The following DYNC1H1 variants were observed in gnomAD, a reference collection of about 807,000 sequenced individuals.
DYNC1H1 encodes the protein dynein cytoplasmic 1 heavy chain 1, also known as cytoplasmic dynein 1 heavy chain 1.
Under a neutral mutation model 527.1 loss-of-function variants are expected in DYNC1H1, and 51 were observed. That is an observed-to-expected ratio of 0.10 (90% CI 0.08 to 0.12). DYNC1H1 has a LOEUF of 0.12. Ranked by LOEUF, DYNC1H1 falls within the 10% of genes least tolerant of loss-of-function variation. The pLI, the probability that DYNC1H1 is intolerant of heterozygous loss-of-function variation, is 1.00. For synonymous variants in DYNC1H1, 2,189 were observed against 2,278.8 expected, an observed-to-expected ratio of 0.96 and a Z score of 1.12; for missense variants, 2,771 against 5,971.8, an observed-to-expected ratio of 0.46 and a Z score of 17.66.
chr14:102,003,018 A>G, intron 23 of DYNC1H1, 53 bp downstream of exon 23: 5 of 1,610,308 alleles, frequency 3.1e-6, no homozygotes, highest in Non-Finnish European at 4.2e-6. Context: ...TCAGTTGTGC[A>G]TTTTTCCAGT....
At position 101,986,791 on chromosome 14, in the gene DYNC1H1, C is replaced by G. The variant is rs1283210549; in HGVS notation, c.2538+28C>G. ...ATGCTCTCATGTAATCCTCAGGTGT[C>G]CTGGTAACGAATGAAGCACAGTAAT... is the stretch of plus-strand genomic sequence containing the variant. On this transcript the variant is annotated intron_variant, in intron 8 of 77. Coordinates refer to ENST00000360184, the MANE Select transcript of DYNC1H1 (RefSeq NM_001376.5). The surrounding 1 kb of genome is among the most constrained non-coding windows in gnomAD (Gnocchi z 8.7). 1 of 1,612,518 alleles carries G rather than the reference C, an allele frequency of 6.2e-7. No individual in the cohort carries two copies. Among genetic ancestry groups the G allele is most frequent in the Admixed American group, 1.7e-5 (1 of 60,016 alleles).
intron 72 of DYNC1H1, among the ~76,000 whole-genome samples, chr14:102,047,275 G>A (rs986692209): frequency 6.6e-6 from 1 of 152,164 alleles, no homozygotes; most frequent in Non-Finnish European, 1.5e-5. Flanking sequence ...GCTCATGCCT[G>A]TAATCCCAGC....
rs187770431 is a variant in DYNC1H1 at position 101,985,167 on chromosome 14, T to A, written c.1462-520T>A. Among the ~76,000 whole-genome samples, 1 of 152,268 alleles carries A rather than the reference T, an allele frequency of 6.6e-6. No individual in the cohort carries two copies. The stretch of plus-strand genomic sequence containing the variant: ...GGTTTTAAATCCTAATTCCATCGTT[T>A]ACTAGCTCTGTGACTGGAATGCTTT... On this transcript the variant is annotated intron_variant, in intron 7 of 77. Coordinates refer to ENST00000360184, the MANE Select transcript of DYNC1H1 (RefSeq NM_001376.5). The surrounding 1 kb of genome is among the most constrained non-coding windows in gnomAD (Gnocchi z 5.9).
chr14:102,039,368 G>A lies in DYNC1H1; in HGVS notation c.11461-44G>A. 2 of 1,614,062 alleles carry A rather than the reference G, an allele frequency of 1.2e-6. No individual in the cohort carries two copies. Among genetic ancestry groups the A allele is most frequent in the Non-Finnish European group, 1.7e-6 (2 of 1,180,036 alleles). Reference sequence around the variant, plus strand: ...CTTGGCCACGCAGAAGTTCAGCGGGGTGCCGAGGGAGCTGCCTCACCGCTG... The same window carrying A: ...CTTGGCCACGCAGAAGTTCAGCGGGATGCCGAGGGAGCTGCCTCACCGCTG... On this transcript the variant is annotated intron_variant, in intron 60 of 77. Transcript: ENST00000360184. The surrounding 1 kb of genome is among the most constrained non-coding windows in gnomAD (Gnocchi z 7.0).
Position 102,022,798 on chromosome 14 carries a change from C to T in DYNC1H1, c.8555C>T (p.Thr2852Met), listed in dbSNP as rs575806819. Reference protein sequence around the residue: ...ERRWTDENIDTVALKHFPNID... With the variant: ...ERRWTDENIDMVALKHFPNID... ...CGTTGGACTGATGAGAACATCGACA[C>T]GGTTGCTCTGAAGCACTTCCCTAAC... The change falls in exon 43 of 78, where the codon ACG becomes ATG. Residue 2852 changes from threonine to methionine, a missense_variant. Physicochemically the swap from Thr to Met is moderately conservative, Grantham distance 81. Coordinates refer to ENST00000360184, the MANE Select transcript of DYNC1H1 (RefSeq NM_001376.5). 3.7e-6 allele frequency: 6 copies of T among 1,614,212 alleles called. No individual in the cohort carries two copies. Among genetic ancestry groups the T allele is most frequent in the Admixed American group, 3.3e-5 (2 of 60,012 alleles).
At position 102,038,277 on chromosome 14, in the gene DYNC1H1, C is replaced by T; in HGVS notation, c.10909-183C>T. 9.6e-7 allele frequency: 1 copy of T among 1,044,388 alleles called. No homozygotes were observed. Among genetic ancestry groups the T allele is most frequent in the South Asian group, 1.4e-5 (1 of 71,182 alleles). The allele number at this position is 1,044,388 out of a possible 1,614,324, so 64.7% of individuals were successfully genotyped here. ...TACAGGCGTGAGCCACCGCATCTGG[C>T]TGAGTTTTTAATTTTAGTTCATTTA... On this transcript the variant is annotated intron_variant, in intron 57 of 77. Coordinates refer to ENST00000360184, the MANE Select transcript of DYNC1H1 (RefSeq NM_001376.5). The surrounding 1 kb of genome is among the most constrained non-coding windows in gnomAD (Gnocchi z 7.2).
chr14:102,034,576 C>T (rs2048549173), intron 56 of DYNC1H1, 124 bp downstream of exon 56: 7 of 1,493,504 alleles, frequency 4.7e-6, no homozygotes, highest in African/African-American at 1.4e-5. Flanking sequence ...ACAGTGCTGG[C>T]AGCTTGGTGC....
At chr14:101,971,259 A>C (rs2047735914) in intron 1 of DYNC1H1, among the ~76,000 whole-genome samples, 1 of 151,174 alleles carries the variant, frequency 6.6e-6, no homozygotes, top group Non-Finnish European at 1.5e-5. Context: ...TTTTTTGTAG[A>C]GATTGGGTTT....
chr14:102,041,457 A>G lies in DYNC1H1; in HGVS notation c.11942-117A>G, dbSNP rs1293065339. 1 of 1,536,520 alleles carries G rather than the reference A, an allele frequency of 6.5e-7. No homozygotes were observed. Among genetic ancestry groups the G allele is most frequent in the African/African-American group, 1.4e-5 (1 of 73,336 alleles). On this transcript the variant is annotated intron_variant, in intron 64 of 77. Coordinates refer to ENST00000360184, the MANE Select transcript of DYNC1H1 (RefSeq NM_001376.5). This position sits in a 1 kb window ranked among gnomAD's most constrained non-coding sequence, Gnocchi z 4.5. Reference sequence around the variant, plus strand: ...TGGCTGAATTTCCTGATTTGAGCTGATCCTGAAATGCTGAGCATTTGCTGA... The same window carrying G: ...TGGCTGAATTTCCTGATTTGAGCTGGTCCTGAAATGCTGAGCATTTGCTGA...
chr14:102,039,537 C>T lies in DYNC1H1; in HGVS notation c.11586C>T (p.Asp3862=), dbSNP rs750838483. ...HTQRLSIITK[D]LFQVAFNRVA... is the part of the protein sequence containing the mutation. The stretch of plus-strand genomic sequence containing the variant: ...AGCGCCTGTCCATTATAACAAAGGA[C>T]CTCTTCCAGGTAGAGTGAGGTCCTC... Residue 3862 remains aspartate (D), a synonymous_variant, in exon 61 of 78, where the codon GAC becomes GAT. Coordinates refer to ENST00000360184, the MANE Select transcript of DYNC1H1 (RefSeq NM_001376.5). This position sits in a 1 kb window ranked among gnomAD's most constrained non-coding sequence, Gnocchi z 7.0. 1 of 1,614,254 alleles carries T rather than the reference C, an allele frequency of 6.2e-7. No homozygotes were observed. The highest frequency in any genetic ancestry group is 1.1e-5 in the South Asian group (1 of 91,084).
At chr14:102,024,933 A>G (rs2048432028) in intron 43 of DYNC1H1, among the ~76,000 whole-genome samples, 4 of 151,666 alleles carry the variant, frequency 2.6e-5, no homozygotes, top group Admixed American at 1.3e-4. Context: ...TGACCTCGTG[A>G]TCAGCCCATC....
rs756726694 is a variant in DYNC1H1, at chr14:102,006,100, C to T, written c.5646C>T (p.Thr1882=). Residue 1882 remains threonine (T), a synonymous_variant, in exon 27 of 78, where the codon ACC becomes ACT. Coordinates refer to ENST00000360184, the MANE Select transcript of DYNC1H1 (RefSeq NM_001376.5). The part of the protein sequence containing the change: ...YLGVQDKLVQ[T]PLTDRCYLTM... ...GTGTTCAGGACAAACTGGTCCAGAC[C>T]CCCCTCACTGACCGCTGCTATTTGA... The T allele has an allele frequency of 3.7e-6, 6 of 1,614,204 alleles. No individual in the cohort carries two copies. The highest frequency in any genetic ancestry group is 2.2e-5 in the South Asian group (2 of 91,086).
chr14:101,983,020 T>A lies in DYNC1H1; in HGVS notation c.963T>A (p.Gly321=). Residue 321 remains glycine, a splice_region_variant and synonymous_variant, in exon 6 of 78, where the codon GGT becomes GGA. Transcript: ENST00000360184. The surrounding 1 kb of genome is among the most constrained non-coding windows in gnomAD (Gnocchi z 5.3). The part of the protein sequence containing the change: ...HATVSFDTDT[G]LKQALETVND... ...TTAACTCTTTCTCTGTTAATATAGGTCTAAAACAGGCTTTGGAAACTGTGA... is the reference window on the plus strand; with the variant it reads ...TTAACTCTTTCTCTGTTAATATAGGACTAAAACAGGCTTTGGAAACTGTGA... 1 of 1,614,172 alleles carries A rather than the reference T, an allele frequency of 6.2e-7. No individual in the cohort carries two copies. The highest frequency in any genetic ancestry group is 8.5e-7 in the Non-Finnish European group (1 of 1,180,040).
At position 102,017,356 on chromosome 14, in the gene DYNC1H1, T is replaced by C. The variant is rs899489599; in HGVS notation, c.8056-27T>C. 6.2e-7 allele frequency: 1 copy of C among 1,614,246 alleles called. No individual in the cohort carries two copies. Among genetic ancestry groups the C allele is most frequent in the Non-Finnish European group, 8.5e-7 (1 of 1,180,040 alleles). On this transcript the variant is annotated intron_variant, in intron 39 of 77. Coordinates refer to ENST00000360184, the MANE Select transcript of DYNC1H1 (RefSeq NM_001376.5). The surrounding 1 kb of genome is among the most constrained non-coding windows in gnomAD (Gnocchi z 4.6). ...ATGTTTCTTGTTCAAGTTTTGCTCT[T>C]AATGTGGTACCTGTCCCTTCCTTCA...
At chr14:101,975,615 G>T (rs1431954091) in intron 1 of DYNC1H1, 97 bp from the exon 2 acceptor site, 16 of 1,136,174 alleles carry the variant, frequency 1.4e-5, no homozygotes, top group Non-Finnish European at 2.1e-5. Flanking sequence ...GATATGTCAG[G>T]CTGGGAGTAG....
At chr14:101,982,540 C>T (rs2141271869) in intron 5 of DYNC1H1, among the ~76,000 whole-genome samples, 1 of 151,960 alleles carries the variant, frequency 6.6e-6, no homozygotes, top group Non-Finnish European at 1.5e-5. Flanking sequence ...TGCAGTGAGC[C>T]GAGATCACCC....
At chr14:101,981,962 A>T (rs886947639) in intron 5 of DYNC1H1, among the ~76,000 whole-genome samples, 3 of 152,182 alleles carry the variant, frequency 2.0e-5, no homozygotes, top group Non-Finnish European at 4.4e-5. Flanking sequence ...ACGTTAAAAT[A>T]ATATAGAACA....
At chr14:101,978,941 A>G (rs974412573) in intron 2 of DYNC1H1, among the ~76,000 whole-genome samples, 1 of 152,238 alleles carries the variant, frequency 6.6e-6, no homozygotes, top group Non-Finnish European at 1.5e-5. Flanking sequence ...GTAGGACCAG[A>G]CTAAGGGGAG....
rs1182473421 is a variant in DYNC1H1, at chr14:102,042,795, C to T, written c.12513+47C>T. 1.9e-6 allele frequency: 3 copies of T among 1,601,520 alleles called. No homozygotes were observed. Among genetic ancestry groups the T allele is most frequent in the Non-Finnish European group, 2.6e-6 (3 of 1,172,432 alleles). On this transcript the variant is annotated intron_variant, in intron 69 of 77. Transcript: ENST00000360184. The surrounding 1 kb of genome is among the most constrained non-coding windows in gnomAD (Gnocchi z 5.7). ...TATGCTTTCCCCATAGAAGCTAAAG[C>T]CCAGTCCCATCACCAAATGCAGAAG...
Sources: allele counts gnomAD v4.1 joint callset (sites outside exome capture counted in the v4.1 genomes callset), GRCh38; gene constraint gnomAD v4.1.1; non-coding constraint Gnocchi (gnomAD v3.1); transcripts MANE v1.5; gene names NCBI Gene and HGNC (gene_info 2026-07-23, HGNC 2026-07-21).